PRKAR1A: variants seen among roughly 807,000 people sequenced by gnomAD.
PRKAR1A encodes the protein cAMP-dependent protein kinase type I-alpha regulatory subunit.
A neutral mutation model predicts 52.0 loss-of-function variants in PRKAR1A; 3 were observed. The ratio of observed to expected loss-of-function variants is 0.06; its 90% CI spans 0.03 to 0.15. The LOEUF (loss-of-function observed/expected upper bound fraction) is 0.15. Among genes scored for constraint, PRKAR1A ranks in the 10% least tolerant of loss-of-function variants. PRKAR1A has a pLI of 1.00. For synonymous variants in PRKAR1A, 188 were observed against 168.4 expected (o/e 1.12, Z -0.90); for missense variants, 240 against 477.4 (o/e 0.50, Z 4.63).
At chr17:68,542,224 TC>T (rs1179421310) in intron 11 of PRKAR1A, 1 of 1,585,530 alleles carries the variant, frequency 6.3e-7, no homozygotes, top group Non-Finnish European at 8.6e-7. Flanking sequence ...CATGACATCT[TC>T]CTGGCCTAGG....
intron 2 of PRKAR1A, among the ~76,000 whole-genome samples, chr17:68,519,828 T>A (rs924475261): frequency 2.0e-5 from 3 of 152,372 alleles, no homozygotes; most frequent in Admixed American, 6.5e-5. Flanking sequence ...TGTCAGGTAC[T>A]GTGTGAAGCA....
At chr17:68,494,456 C>T in the PRKAR1A span, among the ~76,000 whole-genome samples, 1 of 152,036 alleles carries the variant, frequency 6.6e-6, no homozygotes, top group South Asian at 2.1e-4. Context: ...GCATGAGAAT[C>T]GCTTGAACCC....
chr17:68,549,011 C>T (rs1306795233), intron 11 of PRKAR1A, among the ~76,000 whole-genome samples: 3 of 152,006 alleles, frequency 2.0e-5, no homozygotes, highest in South Asian at 2.1e-4. Flanking sequence ...GGATTACAGG[C>T]GTGAGCCACC....
chr17:68,471,839 T>A, the PRKAR1A span, among the ~76,000 whole-genome samples: 1 of 152,064 alleles, frequency 6.6e-6, no homozygotes, highest in African/African-American at 2.4e-5. Flanking sequence ...CTTGCTTTGT[T>A]GCCCAGGCTG....
intron 11 of PRKAR1A, among the ~76,000 whole-genome samples, chr17:68,548,581 C>A (rs1327990591): frequency 6.6e-6 from 1 of 151,894 alleles, no homozygotes; most frequent in Non-Finnish European, 1.5e-5. Context: ...GACACAGAGA[C>A]ACAAAGTGGG....
Position 68,532,717 on chromosome 17 carries a change from G to A in PRKAR1A, c.*2268G>A, listed in dbSNP as rs900976713. ...TAATATACTTTTTTTGTTATAGATT[G>A]TCTTAATGGTAGGTCAAGTAATAAA... On this transcript the variant is annotated 3_prime_UTR_variant, in exon 11 of 11. Transcript: ENST00000589228. 15 of 1,066,052 alleles carry A rather than the reference G, an allele frequency of 1.4e-5. No homozygotes were observed. The African/African-American group carries it at 2.5e-4, about 17-fold the overall frequency. 66.0% of individuals were successfully genotyped at this position (1,066,052 alleles called of 1,614,324 possible).
the PRKAR1A span, chr17:68,427,024 G>A: frequency 2.4e-6 from 2 of 848,464 alleles, no homozygotes; most frequent in Non-Finnish European, 3.8e-6. Flanking sequence ...GGGGAGGGAG[G>A]GCACTCCACC....
upstream of PRKAR1A, among the ~76,000 whole-genome samples, chr17:68,511,263 C>T (rs775569958): frequency 3.1e-4 from 47 of 152,170 alleles, no homozygotes; most frequent in Non-Finnish European, 3.1e-4. Flanking sequence ...TACAATGCTA[C>T]TAAAGCAGCC....
the PRKAR1A span, chr17:68,444,384 C>G: frequency 2.0e-6 from 2 of 1,000,046 alleles, no homozygotes; most frequent in East Asian, 4.9e-5. Context: ...CACTAAGACT[C>G]AAAAAGCAAA....
Position 68,522,929 on chromosome 17 carries a change from A to G in PRKAR1A, c.348+3A>G. 6.2e-7 allele frequency: 1 copy of G among 1,613,474 alleles called. No individual in the cohort carries two copies. The highest frequency in any genetic ancestry group is 8.5e-7 in the Non-Finnish European group (1 of 1,179,834). On this transcript the variant is annotated splice_donor_region_variant and intron_variant, in intron 3 of 10. Coordinates refer to ENST00000589228, the MANE Select transcript of PRKAR1A (RefSeq NM_002734.5). ...ATGCGGCATCCTATGTTAGAAAGGTAGTTTTGATATTTGAATATCGGGGGG... is the reference window on the plus strand; with the variant it reads ...ATGCGGCATCCTATGTTAGAAAGGTGGTTTTGATATTTGAATATCGGGGGG...
the PRKAR1A span, chr17:68,426,254 G>GGGGGGGGGGGT: frequency 3.7e-6 from 3 of 816,924 alleles, no homozygotes; most frequent in South Asian, 2.7e-5. Context: ...GGGAGCGGGG[G>GGGGGGGGGGGT]CTCAAATAAA....
intron 11 of PRKAR1A, among the ~76,000 whole-genome samples, chr17:68,543,342 C>T (rs990698123): frequency 5.9e-5 from 9 of 152,112 alleles, no homozygotes; most frequent in Non-Finnish European, 5.9e-5. Flanking sequence ...GCATTCTCCT[C>T]GCTCTCAGAT....
the PRKAR1A span, among the ~76,000 whole-genome samples, chr17:68,505,111 G>A: frequency 9.2e-5 from 14 of 152,130 alleles, no homozygotes; most frequent in African/African-American, 3.4e-4. Flanking sequence ...CCTGGGCAAT[G>A]TGGCAAAACC....
intron 2 of PRKAR1A, among the ~76,000 whole-genome samples, chr17:68,522,554 T>TA (rs2085647942): frequency 6.6e-6 from 1 of 152,224 alleles, no homozygotes; most frequent in African/African-American, 2.4e-5. Context: ...TAGCATCTGT[T>TA]ATCATCTGAG....
chr17:68,452,303 G>A, the PRKAR1A span, among the ~76,000 whole-genome samples: 1 of 152,214 alleles, frequency 6.6e-6, no homozygotes, highest in African/African-American at 2.4e-5. Context: ...GGTGGCTCAC[G>A]CCTGTAATCT....
chr17:68,543,846 G>A (rs377118792), intron 11 of PRKAR1A: 12 of 822,762 alleles, frequency 1.5e-5, no homozygotes, highest in Admixed American at 1.2e-4. Context: ...ACACACAGGC[G>A]ATGGCACGGC....
At position 68,532,176 on chromosome 17, in the gene PRKAR1A, C is replaced by CT. The variant is rs1488788914; in HGVS notation, c.*1730dup. The CT allele has an allele frequency of 1.9e-6, 2 of 1,045,294 alleles. No individual in the cohort carries two copies. Among genetic ancestry groups the CT allele is most frequent in the Non-Finnish European group, 2.3e-6 (2 of 861,394 alleles). 64.8% of individuals were successfully genotyped at this position (1,045,294 alleles called of 1,614,324 possible). On this transcript the variant is annotated 3_prime_UTR_variant, in exon 11 of 11. Transcript: ENST00000589228. ...ATTAAATGAGGGTTTCTGATCTGTA[C>CT]TTTGTGTTTAGCTACCTTTTTATAT... is the stretch of plus-strand genomic sequence containing the variant.
the PRKAR1A span, chr17:68,427,122 C>A: frequency 1.9e-6 from 3 of 1,608,616 alleles, no homozygotes; most frequent in East Asian, 6.7e-5. Context: ...CTGTTGGCCC[C>A]GTGTCCACCC....
intron 11 of PRKAR1A, chr17:68,542,233 A>G: frequency 1.9e-6 from 3 of 1,559,446 alleles, no homozygotes; most frequent in South Asian, 1.1e-5. Flanking sequence ...TTCCTGGCCT[A>G]GGAAATCCAC....
Sources: gnomAD v4.1 joint callset for allele counts (sites outside exome capture counted in the v4.1 genomes callset) on GRCh38, gnomAD v4.1.1 for gene constraint, MANE v1.5 for transcripts, NCBI Gene and HGNC (gene_info 2026-07-23, HGNC 2026-07-21) for gene names.